The following AHNAK variants were observed in gnomAD, a reference collection of about 807,000 sequenced individuals.
AHNAK encodes neuroblast differentiation-associated protein AHNAK.
In AHNAK, 23 loss-of-function variants were observed where a neutral mutation model predicts 37.8. The ratio of observed to expected loss-of-function variants is 0.61; its 90% CI spans 0.44 to 0.86. The LOEUF is 0.86. Among genes scored for constraint, AHNAK ranks in the 40% least tolerant of loss-of-function variants. The pLI is 0.00. For synonymous variants in AHNAK, 2,481 were observed against 2,636.3 expected, an observed-to-expected ratio of 0.94 and a Z score of 1.80; for missense variants, 7,411 against 7,319.4, an observed-to-expected ratio of 1.01 and a Z score of -0.46.
chr11:62,520,324 T>G lies in AHNAK; in HGVS notation c.14093A>C (p.Glu4698Ala), dbSNP rs772956199. 1.2e-6 allele frequency: 2 copies of G among 1,613,296 alleles called. No individual in the cohort carries two copies. The highest frequency in any genetic ancestry group is 1.7e-6 in the Non-Finnish European group (2 of 1,179,870). Residue 4698 changes from glutamate to alanine, a missense_variant, in exon 5 of 5, where the codon GAA (glutamate) becomes GCA (alanine). Coordinates refer to ENST00000378024, the MANE Select transcript of AHNAK (RefSeq NM_001620.3). ...VDVDVPDVNI[E>A]GPDAKLKGPK... ...GCCCTTTAGTTTCGCATCTGGACCT[T>G]CGATATTCACATCAGGAACATCAAC...
chr11:62,530,955 G>A lies in AHNAK; in HGVS notation c.3462C>T (p.Asp1154=), dbSNP rs138130635. 3.7e-6 allele frequency: 6 copies of A among 1,613,542 alleles called. No homozygotes were observed. Among genetic ancestry groups the A allele is most frequent in the South Asian group, 2.2e-5 (2 of 91,060 alleles). Residue 1154 remains aspartate (D), a synonymous_variant, in exon 5 of 5, where the codon GAC becomes GAT. Transcript: ENST00000378024. ...PEVDVNLPKA[D]VVVSGPKVDI... is the part of the protein sequence containing the mutation. The stretch of plus-strand genomic sequence containing the variant: ...CCACCTTGGGTCCTGAGACAACAAC[G>A]TCAGCCTTAGGCAAGTTCACATCCA...
At position 62,516,002 on chromosome 11, in the gene AHNAK, T is replaced by C. The variant is rs1940006331; in HGVS notation, c.*742A>G. 1 of 1,171,604 alleles carries C rather than the reference T, an allele frequency of 8.5e-7. No individual in the cohort carries two copies. The highest frequency in any genetic ancestry group is 5.8e-5 in the East Asian group (1 of 17,106). The allele number at this position is 1,171,604 out of a possible 1,614,324, so 72.6% of individuals were successfully genotyped here. A position where few individuals can be genotyped will look rare whatever the true frequency, so the allele number is the denominator to read the frequency against. ...GTGCTGGAAATTTTCTTAATCATGA[T>C]AACATTTGTTAAAAAGAAATCAGAA... On this transcript the variant is annotated 3_prime_UTR_variant, in exon 5 of 5. Coordinates refer to ENST00000378024, the MANE Select transcript of AHNAK (RefSeq NM_001620.3).
intron 5 of AHNAK, among the ~76,000 whole-genome samples, chr11:62,466,391 G>A (rs1938913061): frequency 6.6e-6 from 1 of 151,820 alleles, no homozygotes; most frequent in African/African-American, 2.4e-5. Context: ...GTTGTATATA[G>A]CCAGCTACAC....
chr11:62,446,484 C>T (rs570035656), intron 5 of AHNAK, among the ~76,000 whole-genome samples: 30 of 152,292 alleles, frequency 2.0e-4, no homozygotes, highest in Admixed American at 7.2e-4. Flanking sequence ...TGTCCCGGGA[C>T]TTCCCAGGGC....
At chr11:62,474,475 C>A (rs1290556879) in intron 5 of AHNAK, among the ~76,000 whole-genome samples, 5 of 152,154 alleles carry the variant, frequency 3.3e-5, no homozygotes, top group African/African-American at 1.2e-4. Context: ...GCCACCACAC[C>A]CGGCCCTCAG....
chr11:62,497,964 C>CAA (rs796625521), intron 4 of AHNAK, among the ~76,000 whole-genome samples: 3 of 119,030 alleles, frequency 2.5e-5, no homozygotes, highest in South Asian at 2.7e-4. Context: ...GACTTCATCT[C>CAA]AAAAAAAAAA....
Position 62,531,263 on chromosome 11 carries a change from C to T in AHNAK, c.3154G>A (p.Gly1052Ser), listed in dbSNP as rs1369402661. ...SLEGPEGKLK[G>S]PKFKMPEMHF... Reference sequence around the variant, plus strand: ...ATCTCAGGCATCTTAAACTTCGGGCCTTTCAACTTCCCTTCAGGTCCTTCA... The same window carrying T: ...ATCTCAGGCATCTTAAACTTCGGGCTTTTCAACTTCCCTTCAGGTCCTTCA... The change falls in exon 5 of 5, where the codon GGC (glycine) becomes AGC (serine). Residue 1052 changes from glycine to serine, a missense_variant. Physicochemically the swap from Gly to Ser is moderately conservative, Grantham distance 56. Transcript: ENST00000378024. 1 of 1,613,640 alleles carries T rather than the reference C, an allele frequency of 6.2e-7. No homozygotes were observed. Among genetic ancestry groups the T allele is most frequent in the Non-Finnish European group, 8.5e-7 (1 of 1,179,802 alleles).
rs200444226 is a variant in AHNAK at position 62,522,922 on chromosome 11, T to A, written c.11495A>T (p.Asp3832Val). 2.3e-5 allele frequency: 37 copies of A among 1,613,488 alleles called. No homozygotes were observed. In the East Asian group the frequency reaches 7.1e-4, roughly 31 times the overall value. Reference sequence around the variant, plus strand: ...CACCTTGGGTCCTGAGACATCAAGGTCAGCCTTGGGCAGGTTCACATCCAC... The same window carrying A: ...CACCTTGGGTCCTGAGACATCAAGGACAGCCTTGGGCAGGTTCACATCCAC... ...PDVDVNLPKADLDVSGPKVDI... is the reference protein window; with the variant it reads ...PDVDVNLPKAVLDVSGPKVDI... Residue 3832 changes from aspartate to valine, a missense_variant, in exon 5 of 5, where the codon GAC (aspartate) becomes GTC (valine). Physicochemically the swap from Asp to Val is radical, Grantham distance 152. Transcript: ENST00000378024.
chr11:62,485,859 A>G (rs1177993000), intron 5 of AHNAK, among the ~76,000 whole-genome samples: 1 of 151,694 alleles, frequency 6.6e-6, no homozygotes, highest in East Asian at 1.9e-4. Context: ...CTCTGCTAAA[A>G]AATAACAAAA....
chr11:62,434,148 C>T (rs899401332), intron 5 of AHNAK, among the ~76,000 whole-genome samples: 2 of 152,046 alleles, frequency 1.3e-5, no homozygotes, highest in African/African-American at 4.8e-5. Context: ...GCATAAAGCC[C>T]GAGTCTGTCC....
At chr11:62,435,312 A>G (rs1020522222) in intron 5 of AHNAK, among the ~76,000 whole-genome samples, 6 of 152,204 alleles carry the variant, frequency 3.9e-5, no homozygotes, top group Non-Finnish European at 7.3e-5. Context: ...CTTTCTTCCA[A>G]ATGTGTGTTG....
chr11:62,515,412 G>C (rs527635328), downstream of AHNAK, among the ~76,000 whole-genome samples: 1 of 152,332 alleles, frequency 6.6e-6, no homozygotes, highest in East Asian at 1.9e-4. Context: ...AGCTACTCGG[G>C]AGGCTGAGGC....
Position 62,522,323 on chromosome 11 carries a change from C to T in AHNAK, c.12094G>A (p.Ala4032Thr). The T allele has an allele frequency of 1.2e-6, 2 of 1,613,210 alleles. No individual in the cohort carries two copies. The highest frequency in any genetic ancestry group is 1.7e-6 in the Non-Finnish European group (2 of 1,179,830). The change falls in exon 5 of 5, where the codon GCC becomes ACC. Residue 4032 changes from alanine (A) to threonine (T), a missense_variant. By Grantham distance (58) the Ala-to-Thr change is moderately conservative. Coordinates refer to ENST00000378024, the MANE Select transcript of AHNAK (RefSeq NM_001620.3). ...SLPKMEGDLK[A>T]PEVDIKGPKV... is the part of the protein sequence containing the mutation. ...GGGCCCTTGATGTCAACTTCAGGGG[C>T]CTTTAGATCACCTTCCATCTTAGGC...
intron 5 of AHNAK, among the ~76,000 whole-genome samples, chr11:62,486,038 A>G (rs186590149): frequency 0.031 from 4,639 of 150,338 alleles, 106 homozygotes; most frequent in Non-Finnish European, 0.051. Context: ...AAAAAAAAAA[A>G]AGAGAGAGAG....
downstream of AHNAK, among the ~76,000 whole-genome samples, chr11:62,511,505 C>T (rs1939912153): frequency 6.6e-6 from 1 of 152,142 alleles, no homozygotes; most frequent in Non-Finnish European, 1.5e-5. Context: ...ATCCACCCAC[C>T]TCGACCTCCC....
At chr11:62,452,398 A>G (rs1938559774) in intron 5 of AHNAK, among the ~76,000 whole-genome samples, 1 of 152,132 alleles carries the variant, frequency 6.6e-6, no homozygotes, top group Non-Finnish European at 1.5e-5. Context: ...ATTCCATTGC[A>G]TTGTCTGCAG....
chr11:62,443,753 T>C (rs904400291), intron 5 of AHNAK, among the ~76,000 whole-genome samples: 1 of 152,208 alleles, frequency 6.6e-6, no homozygotes, highest in African/African-American at 2.4e-5. Context: ...GGGTTTCTCA[T>C]GTTAGGTTCA....
At position 62,526,384 on chromosome 11, in the gene AHNAK, C is replaced by T. The variant is rs765801337; in HGVS notation, c.8033G>A (p.Gly2678Asp). ...DVSGPKVDIEGPDVNIEGPEG... is the reference protein window; with the variant it reads ...DVSGPKVDIEDPDVNIEGPEG... The stretch of plus-strand genomic sequence containing the variant: ...TGGTCCTTCAATGTTAACATCAGGG[C>T]CTTCAATGTCCACTTTGGGTCCTGA... The change falls in exon 5 of 5, where the codon GGC (glycine) becomes GAC (aspartate). Residue 2678 changes from glycine to aspartate, a missense_variant. Gly to Asp is a moderately conservative substitution (Grantham distance 94). Coordinates refer to ENST00000378024, the MANE Select transcript of AHNAK (RefSeq NM_001620.3). 8.1e-6 allele frequency: 13 copies of T among 1,609,848 alleles called. No homozygotes were observed. The South Asian group carries it at 1.1e-4, about 14-fold the overall frequency.
intron 5 of AHNAK, among the ~76,000 whole-genome samples, chr11:62,470,555 G>A (rs561141591): frequency 6.6e-5 from 10 of 151,766 alleles, no homozygotes; most frequent in African/African-American, 1.9e-4. Context: ...GCAGTGAGCC[G>A]AGATCGCGCC....
Sources: gnomAD v4.1 joint callset for allele counts (sites outside exome capture counted in the v4.1 genomes callset) on GRCh38, gnomAD v4.1.1 for gene constraint, MANE v1.5 for transcripts, NCBI Gene and HGNC (gene_info 2026-07-23, HGNC 2026-07-21) for gene names.